The following IGF2BP2 variants were observed in gnomAD, a reference collection of about 807,000 sequenced individuals.
The protein encoded by IGF2BP2 is insulin-like growth factor 2 mRNA-binding protein 2.
IGF2BP2 carries 17 observed loss-of-function variants against 75.8 expected under a neutral mutation model. That is an observed-to-expected ratio of 0.22 (90% CI 0.15 to 0.34). The LOEUF (loss-of-function observed/expected upper bound fraction) is 0.34. Ranked by LOEUF, IGF2BP2 falls within the 10% of genes least tolerant of loss-of-function variation. The pLI is 1.00. For missense variants in IGF2BP2, 516 were observed against 772.4 expected (o/e 0.67, Z 3.93); for synonymous variants, 288 against 295.6 (o/e 0.97, Z 0.26).
At chr3:185,763,802 C>G (rs1732690664) in intron 2 of IGF2BP2, among the ~76,000 whole-genome samples, 1 of 151,996 alleles carries the variant, frequency 6.6e-6, no homozygotes, top group African/African-American at 2.4e-5. Flanking sequence ...TTTGTTTTTG[C>G]GTGTTTTTTT....
At chr3:185,681,222 A>C (rs1052542581) in intron 7 of IGF2BP2, among the ~76,000 whole-genome samples, 1 of 152,238 alleles carries the variant, frequency 6.6e-6, no homozygotes, top group Non-Finnish European at 1.5e-5. Flanking sequence ...GGTTAGAATA[A>C]ATTCAGCAAA....
At chr3:185,791,254 A>C (rs1211667691) in intron 2 of IGF2BP2, among the ~76,000 whole-genome samples, 1 of 152,244 alleles carries the variant, frequency 6.6e-6, no homozygotes, top group Non-Finnish European at 1.5e-5. Flanking sequence ...ATCAATAAAT[A>C]AATCCAACTG....
At chr3:185,764,202 T>C (rs1165178803) in intron 2 of IGF2BP2, among the ~76,000 whole-genome samples, 1 of 152,118 alleles carries the variant, frequency 6.6e-6, no homozygotes, top group Non-Finnish European at 1.5e-5. Flanking sequence ...ATAAAAATTA[T>C]CACCAGAAAG....
intron 2 of IGF2BP2, among the ~76,000 whole-genome samples, chr3:185,751,944 C>T (rs1234344321): frequency 3.9e-5 from 6 of 152,038 alleles, no homozygotes; most frequent in East Asian, 3.9e-4. Context: ...GCCTGGGCAA[C>T]GAGGGAGACT....
intron 2 of IGF2BP2, chr3:185,716,499 C>T: frequency 1.9e-6 from 1 of 520,066 alleles, no homozygotes; most frequent in Non-Finnish European, 3.8e-6. Flanking sequence ...ATAAAAAGAA[C>T]AGCTTTTGGG....
At chr3:185,699,940 T>C (rs1723068137) in intron 2 of IGF2BP2, among the ~76,000 whole-genome samples, 1 of 152,144 alleles carries the variant, frequency 6.6e-6, no homozygotes, top group Non-Finnish European at 1.5e-5. Flanking sequence ...ATAAGTTATG[T>C]AATTTTTTTT....
At chr3:185,800,903 G>T (rs140137593) in intron 2 of IGF2BP2, among the ~76,000 whole-genome samples, 3 of 151,832 alleles carry the variant, frequency 2.0e-5, no homozygotes, top group Non-Finnish European at 4.4e-5. Context: ...CAAAGGAAAC[G>T]ATCATCAGAG....
At chr3:185,785,344 T>C (rs1048033918) in intron 2 of IGF2BP2, among the ~76,000 whole-genome samples, 1 of 151,150 alleles carries the variant, frequency 6.6e-6, no homozygotes, top group Non-Finnish European at 1.5e-5. Context: ...AGAGCTTATA[T>C]GGAGCTTTCG....
chr3:185,777,846 A>T (rs568642111), intron 2 of IGF2BP2, among the ~76,000 whole-genome samples: 1 of 152,272 alleles, frequency 6.6e-6, no homozygotes, highest in South Asian at 2.1e-4. Context: ...GGTCGAGACC[A>T]ACCCGGTCAA....
intron 2 of IGF2BP2, chr3:185,821,108 C>T: frequency 6.6e-7 from 1 of 1,526,208 alleles, no homozygotes; most frequent in Non-Finnish European, 8.7e-7. Context: ...CAATACCGGT[C>T]ATTAGCTATC....
chr3:185,695,890 C>T (rs780785692), intron 4 of IGF2BP2, among the ~76,000 whole-genome samples: 1 of 152,160 alleles, frequency 6.6e-6, no homozygotes, highest in Admixed American at 6.5e-5. Context: ...CAGGCTCAAG[C>T]GATTCTCGTG....
intron 2 of IGF2BP2, among the ~76,000 whole-genome samples, chr3:185,739,348 C>A (rs1675101166): frequency 6.6e-6 from 1 of 152,120 alleles, no homozygotes; most frequent in African/African-American, 2.4e-5. Flanking sequence ...TACAAAGGGG[C>A]CTCTTTATAA....
intron 2 of IGF2BP2, chr3:185,713,343 T>A (rs56369723): frequency 8.7e-4 from 437 of 503,472 alleles, no homozygotes; most frequent in African/African-American, 7.7e-3. Flanking sequence ...TTCACATTTT[T>A]AAAATAATAT....
In IGF2BP2 at chr3:185,657,303, C is replaced by T. The variant is rs773624114; in HGVS notation, c.1369G>A (p.Ala457Thr). 14 of 1,613,308 alleles carry T rather than the reference C, an allele frequency of 8.7e-6. No individual in the cohort carries two copies. Among genetic ancestry groups the T allele is most frequent in the African/African-American group, 1.3e-5 (1 of 74,912 alleles). Reference protein sequence around the residue: ...GAHIKQLARFAGASIKIAPAE... With the variant: ...GAHIKQLARFTGASIKIAPAE... ...AGCCTCACCTTGATAGAGGCTCCGG[C>T]GAATCTCGCCAGCTGTTTGATGTGT... The change falls in exon 12 of 16, where the codon GCC becomes ACC. Residue 457 changes from alanine to threonine, a missense_variant. Transcript: ENST00000382199.
At chr3:185,762,992 C>G (rs1732579534) in intron 2 of IGF2BP2, among the ~76,000 whole-genome samples, 1 of 152,146 alleles carries the variant, frequency 6.6e-6, no homozygotes, top group Non-Finnish European at 1.5e-5. Context: ...GATTCTCAAG[C>G]CTGGATACAG....
At chr3:185,689,878 G>A (rs1721699089) in intron 5 of IGF2BP2, among the ~76,000 whole-genome samples, 1 of 150,306 alleles carries the variant, frequency 6.7e-6, no homozygotes, top group Middle Eastern at 3.5e-3. Flanking sequence ...TGAGGCAGGA[G>A]AATGGCGTGA....
chr3:185,768,889 T>A (rs1051257491), intron 2 of IGF2BP2, among the ~76,000 whole-genome samples: 2 of 152,170 alleles, frequency 1.3e-5, no homozygotes, highest in African/African-American at 4.8e-5. Flanking sequence ...TAGCCAGATG[T>A]GGTGGCATGC....
chr3:185,772,043 ATTCTGT>A (rs1331026652), intron 2 of IGF2BP2, among the ~76,000 whole-genome samples: 2 of 152,124 alleles, frequency 1.3e-5, no homozygotes, highest in African/African-American at 2.4e-5. Flanking sequence ...AGCTAGCTTG[ATTCTGT>A]TTCTATTACT....
intron 2 of IGF2BP2, among the ~76,000 whole-genome samples, chr3:185,735,343 G>A (rs866284720): frequency 1.3e-5 from 2 of 151,906 alleles, no homozygotes; most frequent in Non-Finnish European, 2.9e-5. Flanking sequence ...ATGGGGTTTC[G>A]CTGTGTTGGC....
Sources: gnomAD v4.1 joint callset for allele counts (sites outside exome capture counted in the v4.1 genomes callset) on GRCh38, gnomAD v4.1.1 for gene constraint, MANE v1.5 for transcripts, NCBI Gene and HGNC (gene_info 2026-07-23, HGNC 2026-07-21) for gene names.